The following ARB2A variants were observed in gnomAD, a reference collection of about 807,000 sequenced individuals.
ARB2A encodes the protein ARB2 cotranscriptional regulator A.
chr5:94,062,018 T>C, the ARB2A span, among the ~76,000 whole-genome samples: 1 of 152,226 alleles, frequency 6.6e-6, no homozygotes. Flanking sequence ...CACTGTTCAA[T>C]GTTAACTTAC....
chr5:93,988,817 C>T, the ARB2A span, among the ~76,000 whole-genome samples: 12 of 152,110 alleles, frequency 7.9e-5, no homozygotes, highest in African/African-American at 2.7e-4. Flanking sequence ...AAAGGTCCTT[C>T]CAGGAACCCT....
the ARB2A span, among the ~76,000 whole-genome samples, chr5:93,867,003 A>C: frequency 5.3e-5 from 8 of 152,218 alleles, no homozygotes; most frequent in Non-Finnish European, 5.9e-5. Context: ...AAAATGCCTC[A>C]TTGCTAAAAA....
the ARB2A span, among the ~76,000 whole-genome samples, chr5:93,857,936 C>T: frequency 6.6e-6 from 1 of 152,190 alleles, no homozygotes; most frequent in Non-Finnish European, 1.5e-5. Context: ...TGGCTGCCCC[C>T]ACATTACATG....
the ARB2A span, among the ~76,000 whole-genome samples, chr5:93,982,516 A>G: frequency 6.6e-6 from 1 of 152,208 alleles, no homozygotes; most frequent in East Asian, 1.9e-4. Context: ...GTGCATGTGC[A>G]TGTGTCTAAA....
the ARB2A span, among the ~76,000 whole-genome samples, chr5:93,722,037 A>T: frequency 6.6e-6 from 1 of 152,142 alleles, no homozygotes; most frequent in African/African-American, 2.4e-5. Context: ...CCAAACAATA[A>T]CATCCACTAC....
At chr5:94,055,555 A>G in the ARB2A span, 8 of 796,946 alleles carry the variant, frequency 1.0e-5, no homozygotes, top group African/African-American at 1.3e-4. Context: ...TATCCCCAAT[A>G]TAAAAAAAAA....
chr5:93,803,457 C>T, the ARB2A span, among the ~76,000 whole-genome samples: 1 of 151,534 alleles, frequency 6.6e-6, no homozygotes, highest in African/African-American at 2.4e-5. Flanking sequence ...CCTCACCGCC[C>T]CCCCACCCAA....
chr5:93,775,304 G>A, the ARB2A span, among the ~76,000 whole-genome samples: 1 of 152,136 alleles, frequency 6.6e-6, no homozygotes, highest in Non-Finnish European at 1.5e-5. Flanking sequence ...GCTATCACTT[G>A]TGATTGTTAA....
At chr5:94,075,499 A>C in the ARB2A span, among the ~76,000 whole-genome samples, 1 of 152,036 alleles carries the variant, frequency 6.6e-6, no homozygotes, top group Non-Finnish European at 1.5e-5. Context: ...ACAGTAAAGC[A>C]ACTATTTTTC....
the ARB2A span, among the ~76,000 whole-genome samples, chr5:93,830,315 A>G: frequency 0.39 from 16,352 of 41,792 alleles, 1,800 homozygotes; most frequent in Non-Finnish European, 0.42. Flanking sequence ...GTGTGTGTAT[A>G]TATATATATA....
At chr5:93,926,204 A>T in the ARB2A span, among the ~76,000 whole-genome samples, 1 of 151,218 alleles carries the variant, frequency 6.6e-6, no homozygotes, top group Non-Finnish European at 1.5e-5. Context: ...ATCTCGGCTC[A>T]CCGCAACCTC....
At chr5:93,834,034 C>T in the ARB2A span, among the ~76,000 whole-genome samples, 4 of 152,246 alleles carry the variant, frequency 2.6e-5, no homozygotes, top group East Asian at 1.9e-4. Context: ...GCCATCTTCA[C>T]GTCCATGAGT....
At chr5:94,035,987 T>C in the ARB2A span, among the ~76,000 whole-genome samples, 1 of 151,712 alleles carries the variant, frequency 6.6e-6, no homozygotes, top group African/African-American at 2.4e-5. Context: ...TGCACATGTA[T>C]CCCAGAACTT....
the ARB2A span, among the ~76,000 whole-genome samples, chr5:93,929,107 A>C: frequency 6.6e-6 from 1 of 152,148 alleles, no homozygotes; most frequent in African/African-American, 2.4e-5. Context: ...CATTAGATAC[A>C]TATCCAGAAT....
the ARB2A span, among the ~76,000 whole-genome samples, chr5:93,821,426 C>G: frequency 6.6e-6 from 1 of 151,774 alleles, no homozygotes; most frequent in Non-Finnish European, 1.5e-5. Context: ...ACTACTGGGA[C>G]AAAAAACCAA....
the ARB2A span, among the ~76,000 whole-genome samples, chr5:93,993,133 C>T: frequency 2.0e-5 from 3 of 152,000 alleles, no homozygotes; most frequent in Non-Finnish European, 4.4e-5. Flanking sequence ...CATTTTATAT[C>T]ATAGTATTTT....
the ARB2A span, among the ~76,000 whole-genome samples, chr5:93,941,367 G>A: frequency 6.6e-6 from 1 of 152,056 alleles, no homozygotes; most frequent in African/African-American, 2.4e-5. Flanking sequence ...AATCCAGATC[G>A]TGGATATAGT....
chr5:93,952,501 G>A, the ARB2A span, among the ~76,000 whole-genome samples: 3 of 152,060 alleles, frequency 2.0e-5, no homozygotes, highest in African/African-American at 7.2e-5. Flanking sequence ...ACTCTCCCCT[G>A]GCCTGCAAGG....
the ARB2A span, among the ~76,000 whole-genome samples, chr5:93,767,808 C>T: frequency 6.6e-6 from 1 of 151,534 alleles, no homozygotes; most frequent in African/African-American, 2.4e-5. Flanking sequence ...TCCTGGCTAA[C>T]ACGGCAAAAC....
Sources: gnomAD v4.1 joint callset for allele counts (sites outside exome capture counted in the v4.1 genomes callset) on GRCh38, gnomAD v4.1.1 for gene constraint, MANE v1.5 for transcripts, NCBI Gene and HGNC (gene_info 2026-07-23, HGNC 2026-07-21) for gene names.